Variants in CCDC7 observed in about 807,000 individuals in gnomAD.
The protein encoded by CCDC7 is coiled-coil domain containing 7, also known as coiled-coil domain-containing protein 7.
A neutral mutation model predicts 196.9 loss-of-function variants in CCDC7; 183 were observed. The observed-to-expected ratio is 0.93, with a 90% CI of 0.82 to 1.05. CCDC7 has a LOEUF of 1.05. Ranked by LOEUF, CCDC7 falls within the 50% of genes least tolerant of loss-of-function variation. The pLI, the probability that CCDC7 is intolerant of heterozygous loss-of-function variation, is 0.00. For synonymous variants in CCDC7, 525 were observed against 484.6 expected, an observed-to-expected ratio of 1.08 and a Z score of -1.10; for missense variants, 1,540 against 1,482.2, an observed-to-expected ratio of 1.04 and a Z score of -0.64.
In CCDC7 at chr10:32,784,165, A is replaced by G. The variant is rs191186652; in HGVS notation, c.3013+5081A>G. On this transcript the variant is annotated intron_variant, in intron 29 of 41. Coordinates refer to ENST00000639629, the Ensembl canonical transcript of CCDC7. ...TATATTATGTATATTTACCACAATA[A>G]AAATGAAGGTATTCTGATAAAAATA... Among the ~76,000 whole-genome samples the G allele has an allele frequency of 6.6e-3, 1,009 of 152,358 alleles. 4 individuals carry two copies. The highest frequency in any genetic ancestry group is 0.011 in the Non-Finnish European group (751 of 68,036).
intron 28 of CCDC7, among the ~76,000 whole-genome samples, chr10:32,764,489 A>G (rs537445549): frequency 6.6e-6 from 1 of 151,984 alleles, no homozygotes; most frequent in South Asian, 2.1e-4. Flanking sequence ...ATGTTGCAGC[A>G]TGGAGGTTAG....
At chr10:32,840,456 G>T (rs1307548358) in intron 33 of CCDC7, among the ~76,000 whole-genome samples, 1 of 151,848 alleles carries the variant, frequency 6.6e-6, no homozygotes, top group Non-Finnish European at 1.5e-5. Context: ...AACCAGGAAG[G>T]TATAGAATCT....
chr10:32,647,480 A>AAAAAGTT (rs1564955001), intron 20 of CCDC7, among the ~76,000 whole-genome samples: 1 of 151,908 alleles, frequency 6.6e-6, no homozygotes, highest in Admixed American at 6.6e-5. Context: ...ACTTTTCTCC[A>AAAAAGTT]CAGCCTTACC....
chr10:32,699,359 T>C (rs1591730098), intron 24 of CCDC7, among the ~76,000 whole-genome samples: 3 of 151,950 alleles, frequency 2.0e-5, no homozygotes, highest in South Asian at 2.1e-4. Flanking sequence ...CAGCTTCATC[T>C]ATGTCCCTAC....
rs761096256 is a variant in CCDC7, at chr10:32,574,405, C to T, written c.1454+2512C>T. 85 of 1,555,058 alleles carry T rather than the reference C, an allele frequency of 5.5e-5. 2 individuals are homozygous for T. In the South Asian group the frequency reaches 7.1e-4, roughly 13 times the overall value. On this transcript the variant is annotated intron_variant, in intron 16 of 41. Coordinates refer to ENST00000639629, the Ensembl canonical transcript of CCDC7. ...CACATGGCACAATATTATTCATCAA[C>T]CTTCATTTTGGGTTACTTCTTAGAT...
chr10:32,772,154 T>A (rs951930754), intron 28 of CCDC7, among the ~76,000 whole-genome samples: 4 of 152,194 alleles, frequency 2.6e-5, no homozygotes, highest in African/African-American at 9.6e-5. Flanking sequence ...CAGCAACCCC[T>A]GTGGGTGTTG....
chr10:32,443,990 T>C (rs2030467529), upstream of CCDC7, among the ~76,000 whole-genome samples: 1 of 152,216 alleles, frequency 6.6e-6, no homozygotes, highest in Admixed American at 6.5e-5. Context: ...CTCTCAGTAA[T>C]GTTATATAGT....
chr10:32,803,266 T>C (rs1172300344), intron 29 of CCDC7, among the ~76,000 whole-genome samples: 1 of 152,190 alleles, frequency 6.6e-6, no homozygotes, highest in Non-Finnish European at 1.5e-5. Flanking sequence ...CCATTTGATA[T>C]ATAGCACAGT....
chr10:32,808,846 C>T (rs911935314), intron 30 of CCDC7, among the ~76,000 whole-genome samples: 1 of 151,970 alleles, frequency 6.6e-6, no homozygotes, highest in Admixed American at 6.5e-5. Context: ...ATACAGAGGC[C>T]GTATACCACT....
intron 39 of CCDC7, among the ~76,000 whole-genome samples, chr10:32,851,465 A>T (rs11009115): frequency 0.091 from 13,845 of 152,176 alleles, 743 homozygotes; most frequent in South Asian, 0.25. Context: ...TTGTGGCCTA[A>T]CATACGATCT....
chr10:32,726,901 T>A, intron 26 of CCDC7, 69 bp downstream of exon 27: 1 of 946,092 alleles, frequency 1.1e-6, no homozygotes, highest in Non-Finnish European at 1.6e-6. Flanking sequence ...TCTTTGCCTT[T>A]GATTCCTGAA....
At chr10:32,833,144 T>C (rs906941936) in intron 32 of CCDC7, among the ~76,000 whole-genome samples, 11 of 152,070 alleles carry the variant, frequency 7.2e-5, no homozygotes, top group African/African-American at 2.7e-4. Context: ...GTTTTAATAT[T>C]TATAGGTGTA....
intron 24 of CCDC7, among the ~76,000 whole-genome samples, chr10:32,708,771 A>T (rs1475670982): frequency 6.6e-6 from 1 of 152,218 alleles, no homozygotes; most frequent in East Asian, 1.9e-4. Context: ...CCACAATGAG[A>T]TACCATCTCA....
At chr10:32,556,333 A>G (rs766885639) in intron 13 of CCDC7, among the ~76,000 whole-genome samples, 2 of 152,196 alleles carry the variant, frequency 1.3e-5, no homozygotes, top group Non-Finnish European at 2.9e-5. Context: ...TATCATTTTT[A>G]TCTCATGTAA....
chr10:32,615,283 A>T (rs2062654905), intron 18 of CCDC7, among the ~76,000 whole-genome samples: 1 of 152,172 alleles, frequency 6.6e-6, no homozygotes, highest in South Asian at 2.1e-4. Context: ...GTACTAATTT[A>T]CATTCCCACC....
intron 20 of CCDC7, among the ~76,000 whole-genome samples, chr10:32,656,737 A>G (rs1015855402): frequency 6.6e-6 from 1 of 152,180 alleles, no homozygotes; most frequent in Non-Finnish European, 1.5e-5. Flanking sequence ...CCCAAATCTC[A>G]TGTCCTCACA....
intron 30 of CCDC7, among the ~76,000 whole-genome samples, chr10:32,811,898 T>G (rs1031863455): frequency 1.3e-5 from 2 of 152,108 alleles, no homozygotes; most frequent in Non-Finnish European, 1.5e-5. Context: ...ATCCCACGGA[T>G]GTAAGGGTGG....
intron 18 of CCDC7, among the ~76,000 whole-genome samples, chr10:32,602,160 A>C (rs574667216): frequency 1.3e-5 from 2 of 152,188 alleles, no homozygotes; most frequent in South Asian, 4.2e-4. Flanking sequence ...CCACAAACCC[A>C]CTGGAAGGAA....
intron 16 of CCDC7, chr10:32,574,312 A>C (rs2057932862): frequency 4.1e-6 from 2 of 493,724 alleles, no homozygotes; most frequent in East Asian, 8.4e-5. Context: ...ATTATATATT[A>C]TATAATAATA....
Sources: gnomAD v4.1 joint callset for allele counts (sites outside exome capture counted in the v4.1 genomes callset) on GRCh38, gnomAD v4.1.1 for gene constraint, MANE v1.5 for transcripts, NCBI Gene and HGNC (gene_info 2026-07-23, HGNC 2026-07-21) for gene names.